The following UQCRC2 variants were observed in gnomAD, a reference collection of about 807,000 sequenced individuals.
The protein encoded by UQCRC2 is ubiquinol-cytochrome c reductase core protein 2, also known as cytochrome b-c1 complex subunit 2, mitochondrial.
Under a neutral mutation model 55.6 loss-of-function variants are expected in UQCRC2, and 49 were observed. That is an observed-to-expected ratio of 0.88 (90% confidence interval 0.70 to 1.12). The LOEUF is 1.12. Among genes scored for constraint, UQCRC2 ranks in the 50% most tolerant of loss-of-function variants. UQCRC2 has a pLI of 0.00. For synonymous variants in UQCRC2, 193 were observed against 192.0 expected, an observed-to-expected ratio of 1.01 and a Z score of -0.04; for missense variants, 506 against 547.8, an observed-to-expected ratio of 0.92 and a Z score of 0.76.
At chr16:21,969,426 G>A (rs921211588) in intron 8 of UQCRC2, among the ~76,000 whole-genome samples, 1 of 152,058 alleles carries the variant, frequency 6.6e-6, no homozygotes, top group South Asian at 2.1e-4. Flanking sequence ...CCCAGCTATC[G>A]GGGGGCTGAG....
At chr16:21,956,946 G>A (rs985406369) in intron 1 of UQCRC2, among the ~76,000 whole-genome samples, 9 of 151,998 alleles carry the variant, frequency 5.9e-5, no homozygotes, top group Admixed American at 2.0e-4. Context: ...GCACGCACCT[G>A]TAATTCCAGC....
intron 4 of UQCRC2, chr16:21,959,300 AC>A: frequency 1.0e-5 from 2 of 199,090 alleles, no homozygotes; most frequent in Non-Finnish European, 2.2e-5. Flanking sequence ...TTTTTTATCA[AC>A]CAAGATTATG....
intron 11 of UQCRC2, 60 bp from the exon 12 acceptor site, chr16:21,976,107 C>A: frequency 1.7e-6 from 2 of 1,168,994 alleles, no homozygotes; most frequent in Non-Finnish European, 1.3e-6. Context: ...AGAAGTGTGT[C>A]AGTGCTGCAG....
At chr16:21,965,183 T>C (rs1332416337) in intron 6 of UQCRC2, among the ~76,000 whole-genome samples, 1 of 152,224 alleles carries the variant, frequency 6.6e-6, no homozygotes, top group Non-Finnish European at 1.5e-5. Flanking sequence ...GACTCCAGTA[T>C]ATAGAAGCTG....
At chr16:21,970,687 G>A (rs1427845884) in intron 8 of UQCRC2, among the ~76,000 whole-genome samples, 3 of 152,144 alleles carry the variant, frequency 2.0e-5, no homozygotes, top group Non-Finnish European at 4.4e-5. Context: ...CCAGGTTCAA[G>A]CAATTCTCCG....
intron 3 of UQCRC2, 103 bp downstream of exon 3, chr16:21,957,669 C>T: frequency 1.4e-6 from 2 of 1,477,432 alleles, no homozygotes. Context: ...ATTCCTTGAC[C>T]TGCCATAACA....
intron 6 of UQCRC2, 76 bp downstream of exon 6, chr16:21,962,961 A>T (rs567509724): frequency 6.7e-7 from 1 of 1,496,384 alleles, no homozygotes; most frequent in East Asian, 2.4e-5. Flanking sequence ...AAGAAAAAAA[A>T]TTGCTGTCAA....
intron 6 of UQCRC2, 50 bp from the exon 7 acceptor site, chr16:21,965,358 G>T: frequency 1.9e-6 from 3 of 1,564,186 alleles, no homozygotes; most frequent in Non-Finnish European, 2.6e-6. Flanking sequence ...TAAAAATGTT[G>T]TCTTTACTGA....
intron 10 of UQCRC2, 144 bp downstream of exon 10, chr16:21,972,266 G>T: frequency 1.8e-6 from 2 of 1,126,564 alleles, no homozygotes; most frequent in Non-Finnish European, 2.5e-6. Context: ...CTTGATTTTA[G>T]TATCTTTGAA....
At chr16:21,970,461 T>C (rs531066089) in intron 8 of UQCRC2, among the ~76,000 whole-genome samples, 2 of 152,220 alleles carry the variant, frequency 1.3e-5, no homozygotes, top group Non-Finnish European at 2.9e-5. Flanking sequence ...TTATCGTCTG[T>C]CTTTCTGATT....
At chr16:21,976,058 T>C in intron 11 of UQCRC2, 109 bp from the exon 12 acceptor site, 2 of 695,948 alleles carry the variant, frequency 2.9e-6, no homozygotes, top group Non-Finnish European at 5.1e-6. Context: ...GTGCTGTTTG[T>C]CTGGAACTAA....
chr16:21,981,579 C>G (rs762946417), intron 13 of UQCRC2, among the ~76,000 whole-genome samples: 5 of 151,864 alleles, frequency 3.3e-5, no homozygotes, highest in Non-Finnish European at 7.4e-5. Context: ...TGTAGCAAAA[C>G]CCCATCTCTA....
Position 21,964,579 on chromosome 16 carries a change from T to C in UQCRC2, c.515-829T>C, listed in dbSNP as rs569614630. On this transcript the variant is annotated intron_variant, in intron 6 of 13. Transcript: ENST00000268379. ...ATTGTTATACTTTATGCCTTTGTTT[T>C]GTCTGCTTCCTGTGCCTAAAATGCT... Among the ~76,000 whole-genome samples the C allele has an allele frequency of 2.6e-5, 4 of 152,338 alleles. No homozygotes were observed. The South Asian group carries it at 8.3e-4, about 32-fold the overall frequency.
intron 8 of UQCRC2, among the ~76,000 whole-genome samples, chr16:21,970,490 G>A (rs552444791): frequency 2.2e-4 from 34 of 152,334 alleles, no homozygotes; most frequent in South Asian, 6.2e-4. Flanking sequence ...CCTACTGGGT[G>A]GGAAGTGGTC....
At chr16:21,957,707 C>T (rs1898112378) in intron 3 of UQCRC2, 141 bp downstream of exon 3, 5 of 1,253,308 alleles carry the variant, frequency 4.0e-6, no homozygotes, top group Non-Finnish European at 5.5e-6. Flanking sequence ...TAGCTTAAAC[C>T]AAATAAGTTT....
intron 1 of UQCRC2, among the ~76,000 whole-genome samples, chr16:21,956,255 G>A (rs1049759895): frequency 3.3e-5 from 5 of 152,278 alleles, no homozygotes; most frequent in African/African-American, 1.2e-4. Context: ...AAAAGGTTGT[G>A]GACACAGGCC....
intron 10 of UQCRC2, among the ~76,000 whole-genome samples, chr16:21,973,573 C>A (rs1397196706): frequency 6.6e-6 from 1 of 152,110 alleles, no homozygotes; most frequent in African/African-American, 2.4e-5. Flanking sequence ...ATGCCAAAGC[C>A]TATCTATATT....
chr16:21,976,707 A>T (rs998661035), intron 12 of UQCRC2: 58 of 152,818 alleles, frequency 3.8e-4, no homozygotes, highest in Non-Finnish European at 2.9e-4. Context: ...AGCCAAACAA[A>T]CATAAGTCAA....
intron 7 of UQCRC2, among the ~76,000 whole-genome samples, chr16:21,968,000 CTTT>C (rs544335331): frequency 7.3e-6 from 1 of 137,112 alleles, no homozygotes; most frequent in African/African-American, 2.7e-5. Context: ...CTTTTTATTC[CTTT>C]TTTTTTTTTT....
Sources: gnomAD v4.1 joint callset for allele counts (sites outside exome capture counted in the v4.1 genomes callset) on GRCh38, gnomAD v4.1.1 for gene constraint, MANE v1.5 for transcripts, NCBI Gene and HGNC (gene_info 2026-07-23, HGNC 2026-07-21) for gene names.